RUNX1: variants seen among roughly 807,000 people sequenced by gnomAD.
RUNX1 encodes the protein RUNX family transcription factor 1, also known as runt-related transcription factor 1.
In RUNX1, 19 loss-of-function variants were observed where a neutral mutation model predicts 42.8. That is an observed-to-expected ratio of 0.44 (90% CI 0.31 to 0.65). The LOEUF is 0.65. Among genes scored for constraint, RUNX1 ranks in the 30% least tolerant of loss-of-function variants. The pLI, the probability that RUNX1 is intolerant of heterozygous loss-of-function variation, is 0.07. For missense variants in RUNX1, 528 were observed against 672.0 expected, an observed-to-expected ratio of 0.79 and a Z score of 2.37; for synonymous variants, 271 against 289.4, an observed-to-expected ratio of 0.94 and a Z score of 0.64.
chr21:34,896,691 A>T (rs926412054), intron 2 of RUNX1, among the ~76,000 whole-genome samples: 2 of 151,986 alleles, frequency 1.3e-5, no homozygotes, highest in Non-Finnish European at 2.9e-5. Flanking sequence ...TCATAAAAAG[A>T]AAAGAAAAGA....
At chr21:34,909,200 G>A (rs937417287) in intron 2 of RUNX1, among the ~76,000 whole-genome samples, 18 of 151,836 alleles carry the variant, frequency 1.2e-4, no homozygotes, top group African/African-American at 4.1e-4. Context: ...GTTCACTCCC[G>A]TGTGCAGTCC....
At chr21:34,929,444 C>T (rs1239778520) in intron 2 of RUNX1, among the ~76,000 whole-genome samples, 4 of 152,110 alleles carry the variant, frequency 2.6e-5, no homozygotes, top group Non-Finnish European at 5.9e-5. Flanking sequence ...AGAAAGAGTA[C>T]ATCCAGGGAG....
At chr21:35,037,366 G>C (rs2059316158) in intron 2 of RUNX1, among the ~76,000 whole-genome samples, 1 of 152,184 alleles carries the variant, frequency 6.6e-6, no homozygotes, top group East Asian at 1.9e-4. Context: ...ACGTGGGCAG[G>C]AGAGGTCTGG....
intron 7 of RUNX1, among the ~76,000 whole-genome samples, chr21:34,811,761 A>G (rs1044814966): frequency 6.6e-6 from 1 of 152,136 alleles, no homozygotes; most frequent in Non-Finnish European, 1.5e-5. Flanking sequence ...GAGACATGCC[A>G]TTCCTGTCTT....
chr21:34,849,377 ATACATAGT>A (rs1248546485), intron 6 of RUNX1, among the ~76,000 whole-genome samples: 6 of 47,794 alleles, frequency 1.3e-4, no homozygotes, highest in Non-Finnish European at 1.9e-4. Context: ...TATATACTAT[ATACATAGT>A]ATATATAATA....
chr21:34,875,007 T>C (rs566039069), intron 5 of RUNX1, among the ~76,000 whole-genome samples: 78 of 152,316 alleles, frequency 5.1e-4, no homozygotes, highest in African/African-American at 1.9e-3. Flanking sequence ...TGGAGAGAAG[T>C]ACAGCTTCTG....
At chr21:34,841,979 G>A (rs1331990502) in intron 6 of RUNX1, among the ~76,000 whole-genome samples, 2 of 152,120 alleles carry the variant, frequency 1.3e-5, no homozygotes, top group African/African-American at 4.8e-5. Flanking sequence ...AAAACCAACT[G>A]GAGCCTAGGA....
chr21:34,826,404 T>A (rs1040575589), intron 7 of RUNX1, among the ~76,000 whole-genome samples: 1 of 151,638 alleles, frequency 6.6e-6, no homozygotes, highest in East Asian at 1.9e-4. Flanking sequence ...CAGAACCATA[T>A]GAAATAAATT....
intron 2 of RUNX1, among the ~76,000 whole-genome samples, chr21:34,936,204 C>T (rs1035950054): frequency 1.3e-5 from 2 of 151,698 alleles, no homozygotes; most frequent in Non-Finnish European, 2.9e-5. Context: ...GACTTAAAGA[C>T]ACAAGCTGCC....
At chr21:34,873,918 T>C (rs1411157687) in intron 5 of RUNX1, among the ~76,000 whole-genome samples, 1 of 152,262 alleles carries the variant, frequency 6.6e-6, no homozygotes, top group Non-Finnish European at 1.5e-5. Context: ...TGCTGCGATC[T>C]GTCCCCATGC....
intron 7 of RUNX1, among the ~76,000 whole-genome samples, chr21:34,826,178 A>G (rs2056984357): frequency 6.6e-6 from 1 of 152,202 alleles, no homozygotes; most frequent in Non-Finnish European, 1.5e-5. Context: ...GGTGGTGTTG[A>G]TGAGGCCTTT....
At chr21:34,874,758 C>A (rs1357427874) in intron 5 of RUNX1, among the ~76,000 whole-genome samples, 1 of 151,816 alleles carries the variant, frequency 6.6e-6, no homozygotes, top group African/African-American at 2.4e-5. Context: ...TTGCCCCTTG[C>A]CAACCAGCAC....
chr21:35,018,000 C>A (rs1177978688), intron 2 of RUNX1, among the ~76,000 whole-genome samples: 1 of 151,866 alleles, frequency 6.6e-6, no homozygotes, highest in Non-Finnish European at 1.5e-5. Flanking sequence ...GTGCCCATAC[C>A]CCAAAATTTA....
chr21:35,018,843 G>A (rs890413914), intron 2 of RUNX1, among the ~76,000 whole-genome samples: 3 of 152,134 alleles, frequency 2.0e-5, no homozygotes, highest in Non-Finnish European at 4.4e-5. Flanking sequence ...CCTGCCCAAC[G>A]ATCTGCAGTG....
chr21:34,816,217 G>A (rs1345587017), intron 7 of RUNX1, among the ~76,000 whole-genome samples: 1 of 152,188 alleles, frequency 6.6e-6, no homozygotes, highest in Non-Finnish European at 1.5e-5. Context: ...GCTGTCCCAG[G>A]AGCAAGGAAA....
intron 2 of RUNX1, among the ~76,000 whole-genome samples, chr21:34,987,698 C>T (rs1046966350): frequency 6.6e-6 from 1 of 152,156 alleles, no homozygotes; most frequent in East Asian, 1.9e-4. Flanking sequence ...GCATTTTATC[C>T]TAGCTAGGAG....
chr21:34,856,989 G>A (rs1241997501), intron 6 of RUNX1, among the ~76,000 whole-genome samples: 1 of 152,202 alleles, frequency 6.6e-6, no homozygotes, highest in Admixed American at 6.5e-5. Context: ...AAAATTAGCA[G>A]TGATGGCCCC....
chr21:34,833,808 T>G, intron 7 of RUNX1: 1 of 202,226 alleles, frequency 4.9e-6, no homozygotes, highest in East Asian at 1.1e-4. Context: ...CTTAGGCAAT[T>G]ATTGCATCTT....
intron 3 of RUNX1, chr21:34,889,725 G>C (rs984194844): frequency 2.5e-6 from 3 of 1,185,480 alleles, no homozygotes; most frequent in Non-Finnish European, 3.2e-6. Context: ...GGTCCCCGCG[G>C]TGCTGCGGGC....
Sources: gnomAD v4.1 joint callset for allele counts (sites outside exome capture counted in the v4.1 genomes callset) on GRCh38, gnomAD v4.1.1 for gene constraint, MANE v1.5 for transcripts, NCBI Gene and HGNC (gene_info 2026-07-23, HGNC 2026-07-21) for gene names.